GPR3: variants seen among roughly 807,000 people sequenced by gnomAD.
The protein encoded by GPR3 is ACCA orphan receptor.
Under a neutral mutation model 18.2 loss-of-function variants are expected in GPR3, and 16 were observed. That is an observed-to-expected ratio of 0.88 (90% CI 0.60 to 1.34). The LOEUF (loss-of-function observed/expected upper bound fraction) is 1.34. GPR3 is among the 40% of genes most tolerant of loss of function. GPR3 has a pLI of 0.00. For missense variants in GPR3, 326 were observed against 427.6 expected (o/e 0.76, Z 2.10); for synonymous variants, 183 against 188.9 (o/e 0.97, Z 0.26).
chr1:27,394,588 A>T lies in GPR3; in HGVS notation c.790A>T (p.Thr264Ser). 1.9e-6 allele frequency: 3 copies of T among 1,613,790 alleles called. No homozygotes were observed. The highest frequency in any genetic ancestry group is 1.6e-4 in the Middle Eastern group (1 of 6,062). Residue 264 changes from threonine to serine, a missense_variant, in exon 2 of 2, where the codon ACT becomes TCT. Coordinates refer to ENST00000374024, the MANE Select transcript of GPR3 (RefSeq NM_005281.4). ...CTTTGCCGCCTGCTGGTTGCCCTTC[A>T]CTGTCTACTGCCTGCTGGGTGATGC... ...GAFAACWLPF[T>S]VYCLLGDAHS...
intron 1 of GPR3, among the ~76,000 whole-genome samples, chr1:27,393,367 C>T (rs1272129797): frequency 2.0e-5 from 3 of 152,170 alleles, no homozygotes; most frequent in Middle Eastern, 3.4e-3. Context: ...GCCTCAGGCA[C>T]GAGCTAGCAT....
rs753844848 is a variant in GPR3 at position 27,393,954 on chromosome 1, C to T, written c.156C>T (p.Thr52=). 1 of 1,611,534 alleles carries T rather than the reference C, an allele frequency of 6.2e-7. No individual in the cohort carries two copies. Among genetic ancestry groups the T allele is most frequent in the Non-Finnish European group, 8.5e-7 (1 of 1,179,392 alleles). The change falls in exon 2 of 2, where the codon ACC becomes ACT. Residue 52 remains threonine (T), a synonymous_variant. Transcript: ENST00000374024. ...AWDVVLCISG[T]LVSCENALVV... is the part of the protein sequence containing the mutation. Reference sequence around the variant, plus strand: ...ATGTGGTGCTCTGCATCTCAGGCACCCTGGTGTCCTGCGAGAATGCGCTAG... The same window carrying T: ...ATGTGGTGCTCTGCATCTCAGGCACTCTGGTGTCCTGCGAGAATGCGCTAG...
At position 27,394,220 on chromosome 1, in the gene GPR3, C is replaced by T; in HGVS notation, c.422C>T (p.Ala141Val). The change falls in exon 2 of 2, where the codon GCC becomes GTC. Residue 141 changes from alanine (A) to valine (V), a missense_variant. By Grantham distance (64) the Ala-to-Val change is moderately conservative. Transcript: ENST00000374024. ...GACCGCTACCTTTCTCTGTACAATG[C>T]CCTCACCTACTATTCAGAGACAACA... ...TVDRYLSLYN[A>V]LTYYSETTVT... The T allele has an allele frequency of 6.2e-7, 1 of 1,613,756 alleles. No homozygotes were observed. Among genetic ancestry groups the T allele is most frequent in the Non-Finnish European group, 8.5e-7 (1 of 1,180,034 alleles).
rs748150265 is a variant in GPR3 at position 27,394,932 on chromosome 1, G to A, written c.*141G>A. 4.5e-6 allele frequency: 4 copies of A among 882,760 alleles called. No individual in the cohort carries two copies. Among genetic ancestry groups the A allele is most frequent in the Non-Finnish European group, 7.0e-6 (4 of 568,496 alleles). 54.7% of individuals were successfully genotyped at this position (882,760 alleles called of 1,614,324 possible). On this transcript the variant is annotated 3_prime_UTR_variant, in exon 2 of 2. Coordinates refer to ENST00000374024, the MANE Select transcript of GPR3 (RefSeq NM_005281.4). ...GTTCTAGGACATTGGGTGTTTCAAG[G>A]TTCTGTTCAGATCCCTATGGGGGCC...
Position 27,394,726 on chromosome 1 carries a change from G to T in GPR3, c.928G>T (p.Ala310Ser). The T allele has an allele frequency of 1.2e-6, 2 of 1,614,148 alleles. No homozygotes were observed. The highest frequency in any genetic ancestry group is 1.1e-5 in the South Asian group (1 of 91,086). ...RNQDVQKVLW[A>S]VCCCCSSSKI... is the part of the protein sequence containing the mutation. The stretch of plus-strand genomic sequence containing the variant: ...CCAGGATGTGCAGAAAGTGCTGTGG[G>T]CTGTCTGCTGCTGCTGTTCCTCTTC... The change falls in exon 2 of 2, where the codon GCT (alanine) becomes TCT (serine). Residue 310 changes from alanine to serine, a missense_variant. Ala to Ser is a moderately conservative substitution (Grantham distance 99). Transcript: ENST00000374024.
In GPR3 at chr1:27,394,080, C is replaced by T; in HGVS notation, c.282C>T (p.Val94=). The T allele has an allele frequency of 1.2e-6, 2 of 1,610,942 alleles. No individual in the cohort carries two copies. The highest frequency in any genetic ancestry group is 8.5e-7 in the Non-Finnish European group (1 of 1,180,004). The change falls in exon 2 of 2, where the codon GTC becomes GTT. Residue 94 remains valine, a synonymous_variant. Coordinates refer to ENST00000374024, the MANE Select transcript of GPR3 (RefSeq NM_005281.4). ...ACCTGCTGGCAGGCCTGGGCCTGGT[C>T]CTGCACTTTGCTGCTGTCTTCTGCA... ...VADLLAGLGL[V]LHFAAVFCIG...
At position 27,394,637 on chromosome 1, in the gene GPR3, A is replaced by ATCTT. The variant is rs768377484; in HGVS notation, c.840_843dup (p.Thr282SerfsTer49). On this transcript the variant is annotated frameshift_variant, in exon 2 of 2. Coordinates refer to ENST00000374024, the MANE Select transcript of GPR3 (RefSeq NM_005281.4). LOFTEE classifies it high-confidence loss of function. Reference sequence around the variant, plus strand: ...GCCCACTCTCCACCTCTCTACACCTATCTTACCTTGCTCCCTGCCACCTAC... The same window carrying ATCTT: ...GCCCACTCTCCACCTCTCTACACCTATCTTTCTTACCTTGCTCCCTGCCACCTAC... 1 of 1,614,000 alleles carries ATCTT rather than the reference A, an allele frequency of 6.2e-7. No individual in the cohort carries two copies. The highest frequency in any genetic ancestry group is 8.5e-7 in the Non-Finnish European group (1 of 1,179,986).
intron 1 of GPR3, among the ~76,000 whole-genome samples, chr1:27,393,251 G>A (rs2016507218): frequency 6.6e-6 from 1 of 151,802 alleles, no homozygotes; most frequent in East Asian, 1.9e-4. Context: ...TGAGTTCCCA[G>A]GTGTTACCGC....
rs367714336 is a variant in GPR3 at position 27,395,364 on chromosome 1, G to A, written c.*573G>A. On this transcript the variant is annotated 3_prime_UTR_variant, in exon 2 of 2. Coordinates refer to ENST00000374024, the MANE Select transcript of GPR3 (RefSeq NM_005281.4). ...TTCTGACCTCAGTTCCTGGAGGGGG[G>A]AAAGGGTGAAAGAGAAACCACGTAT... 1 of 167,312 alleles carries A rather than the reference G, an allele frequency of 6.0e-6. No homozygotes were observed. The highest frequency in any genetic ancestry group is 1.5e-5 in the Non-Finnish European group (1 of 68,358). The allele number at this position is 167,312 out of a possible 1,614,324, so 10.4% of individuals were successfully genotyped here. A position where few individuals can be genotyped will look rare whatever the true frequency, so the allele number is the denominator to read the frequency against.
In GPR3 at chr1:27,394,781, G is replaced by A; in HGVS notation, c.983G>A (p.Ser328Asn). 2 of 1,613,384 alleles carry A rather than the reference G, an allele frequency of 1.2e-6. No individual in the cohort carries two copies. Among genetic ancestry groups the A allele is most frequent in the Non-Finnish European group, 1.7e-6 (2 of 1,179,620 alleles). The change falls in exon 2 of 2, where the codon AGT becomes AAT. Residue 328 changes from serine to asparagine, a missense_variant. Transcript: ENST00000374024. ...ATCCCCTTCCGATCCCGCTCCCCCA[G>A]TGATGTCTAGCTGAGTCTTCATGAC... ...SKIPFRSRSP[S>N]DV
rs905538971 is a variant in GPR3, at chr1:27,394,041, C to T, written c.243C>T (p.Ser81=). ...CCCCCATGTTCCTGCTGGTGGGCAG[C>T]CTGGCCGTGGCAGACCTGCTGGCAG... ...FRAPMFLLVG[S]LAVADLLAGL... The change falls in exon 2 of 2, where the codon AGC becomes AGT. Residue 81 remains serine (S), a synonymous_variant. Coordinates refer to ENST00000374024, the MANE Select transcript of GPR3 (RefSeq NM_005281.4). The T allele has an allele frequency of 1.9e-6, 3 of 1,611,220 alleles. No individual in the cohort carries two copies. Among genetic ancestry groups the T allele is most frequent in the Non-Finnish European group, 2.5e-6 (3 of 1,179,978 alleles).
Position 27,394,510 on chromosome 1 carries a change from C to T in GPR3, c.712C>T (p.His238Tyr). The T allele has an allele frequency of 1.9e-6, 3 of 1,614,164 alleles. No homozygotes were observed. Among genetic ancestry groups the T allele is most frequent in the Non-Finnish European group, 2.5e-6 (3 of 1,180,034 alleles). ...TCAGCGGCACCTGCTGCCTGCCTCC[C>T]ACTATGTGGCCACCCGCAAGGGCAT... ...ALQRHLLPAS[H>Y]YVATRKGIAT... The change falls in exon 2 of 2, where the codon CAC becomes TAC. Residue 238 changes from histidine to tyrosine, a missense_variant. Physicochemically the swap from His to Tyr is moderately conservative, Grantham distance 83. Coordinates refer to ENST00000374024, the MANE Select transcript of GPR3 (RefSeq NM_005281.4).
At chr1:27,393,769 T>C (rs778028892) in intron 1 of GPR3, 25 bp from the exon 2 acceptor site, 8 of 1,516,794 alleles carry the variant, frequency 5.3e-6, no homozygotes, top group Non-Finnish European at 5.3e-6. Context: ...CTTGGTCAGC[T>C]TCTCACAAGG....
At position 27,394,540 on chromosome 1, in the gene GPR3, A is replaced by G; in HGVS notation, c.742A>G (p.Thr248Ala). The G allele has an allele frequency of 6.2e-7, 1 of 1,614,052 alleles. No individual in the cohort carries two copies. The highest frequency in any genetic ancestry group is 8.5e-7 in the Non-Finnish European group (1 of 1,179,988). Residue 248 changes from threonine to alanine, a missense_variant, in exon 2 of 2, where the codon ACA becomes GCA. Transcript: ENST00000374024. ...TGTGGCCACCCGCAAGGGCATTGCC[A>G]CACTGGCCGTGGTGCTTGGAGCCTT... ...HYVATRKGIA[T>A]LAVVLGAFAA...
chr1:27,394,775 C>T lies in GPR3; in HGVS notation c.977C>T (p.Ser326Phe). ...SSSKIPFRSR[S>F]PSDV Reference sequence around the variant, plus strand: ...TCCAAGATCCCCTTCCGATCCCGCTCCCCCAGTGATGTCTAGCTGAGTCTT... The same window carrying T: ...TCCAAGATCCCCTTCCGATCCCGCTTCCCCAGTGATGTCTAGCTGAGTCTT... The change falls in exon 2 of 2, where the codon TCC (serine) becomes TTC (phenylalanine). Residue 326 changes from serine (S) to phenylalanine (F), a missense_variant. Coordinates refer to ENST00000374024, the MANE Select transcript of GPR3 (RefSeq NM_005281.4). 1 of 1,613,694 alleles carries T rather than the reference C, an allele frequency of 6.2e-7. No homozygotes were observed. The highest frequency in any genetic ancestry group is 1.1e-5 in the South Asian group (1 of 91,026).
At position 27,393,906 on chromosome 1, in the gene GPR3, A is replaced by C. The variant is rs772597133; in HGVS notation, c.108A>C (p.Pro36=). 6.2e-7 allele frequency: 1 copy of C among 1,610,104 alleles called. No individual in the cohort carries two copies. The highest frequency in any genetic ancestry group is 1.1e-5 in the South Asian group (1 of 91,004). Residue 36 remains proline, a synonymous_variant, in exon 2 of 2, where the codon CCA becomes CCC. Transcript: ENST00000374024. ...AGGGGCCCACAGGTCCAGCCGCACC[A>C]CTGCCCTCGCCTAAGGCCTGGGATG... ...PAEGPTGPAA[P]LPSPKAWDVV... is the part of the protein sequence containing the mutation.
chr1:27,393,564 C>T lies in GPR3; in HGVS notation c.-5-230C>T, dbSNP rs550101295. On this transcript the variant is annotated intron_variant, in intron 1 of 1. Transcript: ENST00000374024. ...AAAAAGAGACCTGCAGGACCTAGGA[C>T]AGGGATCCCCAGGAAGAGACCCCTG... 2.0e-5 allele frequency among the ~76,000 whole-genome samples: 3 copies of T among 152,256 alleles called. No homozygotes were observed. The South Asian group carries it at 6.2e-4, about 32-fold the overall frequency.
In GPR3 at chr1:27,393,981, G is replaced by C; in HGVS notation, c.183G>C (p.Val61=). 1 of 1,611,844 alleles carries C rather than the reference G, an allele frequency of 6.2e-7. No individual in the cohort carries two copies. The highest frequency in any genetic ancestry group is 8.5e-7 in the Non-Finnish European group (1 of 1,179,546). ...GTLVSCENAL[V]VAIIVGTPAF... The stretch of plus-strand genomic sequence containing the variant: ...TGGTGTCCTGCGAGAATGCGCTAGT[G>C]GTGGCCATCATCGTGGGCACTCCTG... Residue 61 remains valine (V), a synonymous_variant, in exon 2 of 2, where the codon GTG becomes GTC. Coordinates refer to ENST00000374024, the MANE Select transcript of GPR3 (RefSeq NM_005281.4).
chr1:27,393,705 C>A, intron 1 of GPR3, 89 bp from the exon 2 acceptor site: 2 of 1,098,866 alleles, frequency 1.8e-6, no homozygotes, highest in Non-Finnish European at 2.6e-6. Flanking sequence ...AGACTCCCAC[C>A]ACGTATCCTG....
Sources: allele counts gnomAD v4.1 joint callset (sites outside exome capture counted in the v4.1 genomes callset), GRCh38; gene constraint gnomAD v4.1.1; transcripts MANE v1.5; gene names NCBI Gene and HGNC (gene_info 2026-07-23, HGNC 2026-07-21).